The following ABCC12 variants were observed in gnomAD, a reference collection of about 807,000 sequenced individuals.
ABCC12 encodes the protein ATP-binding cassette sub-family C member 12.
A neutral mutation model predicts 151.1 loss-of-function variants in ABCC12; 142 were observed. That is an observed-to-expected ratio of 0.94 (90% CI 0.82 to 1.08). The LOEUF (loss-of-function observed/expected upper bound fraction) is 1.08. ABCC12 is among the 50% of genes least tolerant of loss of function. ABCC12 has a pLI of 0.00. For missense variants in ABCC12, 1,638 were observed against 1,691.1 expected, an observed-to-expected ratio of 0.97 and a Z score of 0.55; for synonymous variants, 645 against 646.4, an observed-to-expected ratio of 1.00 and a Z score of 0.03.
At position 48,111,846 on chromosome 16, in the gene ABCC12, T is replaced by C. The variant is rs1275799396; in HGVS notation, c.2054A>G (p.His685Arg). 7 of 1,614,104 alleles carry C rather than the reference T, an allele frequency of 4.3e-6. No individual in the cohort carries two copies. Among genetic ancestry groups the C allele is most frequent in the Non-Finnish European group, 5.9e-6 (7 of 1,180,052 alleles). Residue 685 changes from histidine to arginine, a missense_variant, in exon 16 of 31, where the codon CAC (histidine) becomes CGC (arginine). Transcript: ENST00000311303. ...CCCTCTCTCCTCCATTAACTCCTTG[T>C]GGGTTCCCTTTTCACAAATCTCTCC... ...EDGEICEKGT[H>R]KELMEERGRY...
At chr16:48,153,114 A>C (rs1567460588) in intron 2 of ABCC12, among the ~76,000 whole-genome samples, 1 of 152,238 alleles carries the variant, frequency 6.6e-6, no homozygotes, top group Non-Finnish European at 1.5e-5. Flanking sequence ...AAAAAATAAA[A>C]ATAAGTAAAT....
intron 23 of ABCC12, 49 bp from the exon 24 acceptor site, chr16:48,096,951 GA>G: frequency 6.2e-7 from 1 of 1,612,576 alleles, no homozygotes; most frequent in Non-Finnish European, 8.5e-7. Context: ...AAGAAAATCA[GA>G]AAAAGCAGGA....
intron 19 of ABCC12, among the ~76,000 whole-genome samples, chr16:48,107,919 T>A (rs1963551932): frequency 6.6e-6 from 1 of 151,752 alleles, no homozygotes; most frequent in Non-Finnish European, 1.5e-5. Context: ...GGAGAATTGC[T>A]TGAACCTGGG....
intron 29 of ABCC12, among the ~76,000 whole-genome samples, chr16:48,085,150 C>T (rs1394242288): frequency 1.3e-5 from 2 of 152,000 alleles, no homozygotes; most frequent in Non-Finnish European, 2.9e-5. Context: ...AACAGCAATC[C>T]CTTCCTGGAA....
intron 20 of ABCC12, among the ~76,000 whole-genome samples, chr16:48,106,427 T>C (rs1353093752): frequency 6.6e-6 from 1 of 152,148 alleles, no homozygotes. Flanking sequence ...GCTGCATGCT[T>C]AATCAGCCAA....
intron 4 of ABCC12, among the ~76,000 whole-genome samples, chr16:48,143,475 C>A (rs1025894718): frequency 3.3e-5 from 5 of 152,230 alleles, no homozygotes; most frequent in African/African-American, 9.6e-5. Context: ...AGGGAGCACA[C>A]AAAAGAGTTT....
intron 24 of ABCC12, among the ~76,000 whole-genome samples, chr16:48,096,412 T>A (rs1406414714): frequency 6.6e-6 from 1 of 152,216 alleles, no homozygotes; most frequent in Admixed American, 6.5e-5. Flanking sequence ...AGGAAATGCT[T>A]TCCTCCAATA....
intron 27 of ABCC12, 129 bp from the exon 28 acceptor site, chr16:48,086,948 T>A (rs1014371331): frequency 2.6e-6 from 2 of 775,712 alleles, no homozygotes; most frequent in African/African-American, 3.4e-5. Flanking sequence ...GCTCCAAGAA[T>A]AGTGCTCAGT....
chr16:48,099,788 G>A (rs1279475009), intron 23 of ABCC12, among the ~76,000 whole-genome samples: 3 of 152,196 alleles, frequency 2.0e-5, no homozygotes, highest in African/African-American at 4.8e-5. Context: ...CCTTGGGACA[G>A]AAGAGCCCCA....
intron 18 of ABCC12, among the ~76,000 whole-genome samples, chr16:48,108,930 C>T (rs1349210235): frequency 6.6e-6 from 1 of 152,160 alleles, no homozygotes; most frequent in Non-Finnish European, 1.5e-5. Context: ...GGGCTTCATC[C>T]CATGTGAAAA....
chr16:48,141,495 T>C (rs1456541301), intron 4 of ABCC12, 142 bp from the exon 5 acceptor site: 1 of 1,109,882 alleles, frequency 9.0e-7, no homozygotes, highest in Admixed American at 2.4e-5. Flanking sequence ...GGCTCAGCTT[T>C]CTGCTCTTCC....
intron 8 of ABCC12, among the ~76,000 whole-genome samples, chr16:48,136,385 G>T (rs1309496936): frequency 6.6e-6 from 1 of 152,110 alleles, no homozygotes; most frequent in Non-Finnish European, 1.5e-5. Flanking sequence ...AACCCAGTGT[G>T]CTCCCCCATG....
chr16:48,138,747 G>A (rs1964697591), intron 7 of ABCC12, among the ~76,000 whole-genome samples: 1 of 152,084 alleles, frequency 6.6e-6, no homozygotes, highest in East Asian at 1.9e-4. Context: ...CAGGAGGATG[G>A]GTTGAGCCCA....
intron 9 of ABCC12, among the ~76,000 whole-genome samples, 165 bp downstream of exon 9, chr16:48,133,522 T>C (rs1964501203): frequency 6.8e-6 from 1 of 146,016 alleles, no homozygotes; most frequent in African/African-American, 2.6e-5. Context: ...TGAGACCCTG[T>C]CTCAGAAAAA....
At chr16:48,129,053 T>C (rs556421174) in intron 10 of ABCC12, among the ~76,000 whole-genome samples, 4 of 152,358 alleles carry the variant, frequency 2.6e-5, no homozygotes, top group Admixed American at 1.3e-4. Flanking sequence ...TGGACTTCAC[T>C]GCTTGGCACT....
intron 24 of ABCC12, among the ~76,000 whole-genome samples, chr16:48,091,997 C>T (rs868835537): frequency 6.6e-6 from 1 of 152,098 alleles, no homozygotes; most frequent in Non-Finnish European, 1.5e-5. Context: ...GAGAAGGGGA[C>T]GTGAAGGCAG....
At chr16:48,093,769 G>A (rs1162188150) in intron 24 of ABCC12, among the ~76,000 whole-genome samples, 3 of 152,204 alleles carry the variant, frequency 2.0e-5, no homozygotes, top group African/African-American at 4.8e-5. Context: ...CCAAGGCCAC[G>A]GCAGCCCTCC....
intron 20 of ABCC12, among the ~76,000 whole-genome samples, chr16:48,106,769 A>T (rs183934087): frequency 6.6e-6 from 1 of 152,342 alleles, no homozygotes; most frequent in African/African-American, 2.4e-5. Context: ...GAGAACTCCC[A>T]GCAAGCTCAA....
Position 48,105,295 on chromosome 16 carries a change from G to C in ABCC12, c.2517C>G (p.Val839=), listed in dbSNP as rs746329847. The change falls in exon 21 of 31, where the codon GTC becomes GTG. Residue 839 remains valine (V), a synonymous_variant. Transcript: ENST00000311303. ...GACCGATGTCTGCCAGCACCGCGCC[G>C]ACCTCACACATGGTCCTGTTGCCCT... The part of the protein sequence containing the change: ...GPQGNRTMCE[V]GAVLADIGQH... The C allele has an allele frequency of 1.9e-6, 3 of 1,613,210 alleles. No individual in the cohort carries two copies. In the East Asian group the frequency reaches 6.7e-5, roughly 36 times the overall value.
Sources: gnomAD v4.1 joint callset for allele counts (sites outside exome capture counted in the v4.1 genomes callset) on GRCh38, gnomAD v4.1.1 for gene constraint, MANE v1.5 for transcripts, NCBI Gene and HGNC (gene_info 2026-07-23, HGNC 2026-07-21) for gene names.